TFDP2: variants seen among roughly 807,000 people sequenced by gnomAD.
The protein encoded by TFDP2 is transcription factor Dp-2, also known as transcription factor Dp-2 (E2F dimerization partner 2).
In TFDP2, 17 loss-of-function variants were observed where a neutral mutation model predicts 59.3. That is an observed-to-expected ratio of 0.29 (90% CI 0.20 to 0.43). TFDP2 has a LOEUF of 0.43. TFDP2 is among the 20% of genes least tolerant of loss of function. TFDP2 has a pLI of 1.00. For synonymous variants in TFDP2, 180 were observed against 194.7 expected (o/e 0.92, Z 0.63); for missense variants, 391 against 528.8 (o/e 0.74, Z 2.56).
chr3:142,020,984 C>CA lies in TFDP2; in HGVS notation c.83-15441dup, dbSNP rs11328099. On this transcript the variant is annotated intron_variant, in intron 3 of 12. Coordinates refer to ENST00000489671, the MANE Select transcript of TFDP2 (RefSeq NM_001178139.2). ...TGGGTGACAAAGCAACACCCTGTCTCAAAAAAAAAAAAATAGTTTTCACTT... is the reference window on the plus strand; with the variant it reads ...TGGGTGACAAAGCAACACCCTGTCTCAAAAAAAAAAAAAATAGTTTTCACTT... 4.5e-4 allele frequency among the ~76,000 whole-genome samples: 67 copies of CA among 147,392 alleles called. No individual in the cohort carries two copies. The East Asian group carries it at 9.1e-3, about 20-fold the overall frequency.
At chr3:142,056,426 G>C (rs1042111519) in intron 3 of TFDP2, among the ~76,000 whole-genome samples, 1 of 151,984 alleles carries the variant, frequency 6.6e-6, no homozygotes, top group Non-Finnish European at 1.5e-5. Flanking sequence ...AAGCGGGATA[G>C]CACAGGGTAT....
chr3:142,078,346 G>T (rs1237908979), intron 3 of TFDP2, among the ~76,000 whole-genome samples: 1 of 152,118 alleles, frequency 6.6e-6, no homozygotes, highest in Admixed American at 6.5e-5. Context: ...GTATTGTGCT[G>T]GCTTCAGGTC....
intron 2 of TFDP2, chr3:142,094,075 C>A: frequency 3.8e-6 from 1 of 265,760 alleles, no homozygotes; most frequent in South Asian, 3.9e-5. Context: ...GAGCTGAATA[C>A]AGGAATATCA....
chr3:142,070,579 C>T (rs1471983785), intron 3 of TFDP2, among the ~76,000 whole-genome samples: 2 of 152,208 alleles, frequency 1.3e-5, no homozygotes, highest in Admixed American at 1.3e-4. Flanking sequence ...TATGCCCAGC[C>T]CTCAGTGTAA....
intron 3 of TFDP2, among the ~76,000 whole-genome samples, chr3:142,033,170 G>A (rs1374460379): frequency 6.6e-6 from 1 of 152,170 alleles, no homozygotes; most frequent in Admixed American, 6.5e-5. Flanking sequence ...ACTCCAGCCT[G>A]GGCGACTGAG....
chr3:141,946,227 C>G lies in TFDP2; in HGVS notation c.*6286G>C, dbSNP rs974402247. 6.6e-6 allele frequency: 1 copy of G among 152,240 alleles called. No individual in the cohort carries two copies. The highest frequency in any genetic ancestry group is 1.5e-5 in the Non-Finnish European group (1 of 68,060). 9.4% of individuals were successfully genotyped at this position (152,240 alleles called of 1,614,324 possible). A position where few individuals can be genotyped will look rare whatever the true frequency, so the allele number is the denominator to read the frequency against. On this transcript the variant is annotated 3_prime_UTR_variant, in exon 13 of 13. Transcript: ENST00000489671. ...TGCTTGTTTCCCATCTCTAAATGAG[C>G]AGGGTGGGAGCGATGTTATCCCCGA...
At chr3:142,106,550 C>T (rs1479692337) in intron 1 of TFDP2, among the ~76,000 whole-genome samples, 1 of 152,194 alleles carries the variant, frequency 6.6e-6, no homozygotes, top group Non-Finnish European at 1.5e-5. Flanking sequence ...CAGAAAGGTT[C>T]AAGAAGTTGC....
intron 1 of TFDP2, among the ~76,000 whole-genome samples, chr3:142,122,788 G>A (rs928600444): frequency 3.9e-5 from 6 of 152,138 alleles, no homozygotes; most frequent in African/African-American, 1.4e-4. Context: ...AGCCTAAGCA[G>A]GTGGAGAATG....
intron 3 of TFDP2, among the ~76,000 whole-genome samples, chr3:142,055,567 T>C (rs901641776): frequency 3.3e-5 from 5 of 152,216 alleles, no homozygotes; most frequent in African/African-American, 1.2e-4. Context: ...AAGTCACCTT[T>C]AGTATGTGAC....
intron 3 of TFDP2, among the ~76,000 whole-genome samples, chr3:142,066,766 G>C (rs929221428): frequency 1.3e-5 from 2 of 152,006 alleles, no homozygotes; most frequent in Admixed American, 6.6e-5. Flanking sequence ...TACAAAACAG[G>C]ATCTAATCAC....
intron 3 of TFDP2, among the ~76,000 whole-genome samples, chr3:142,060,088 G>T (rs1450689517): frequency 6.6e-6 from 1 of 151,978 alleles, no homozygotes; most frequent in Non-Finnish European, 1.5e-5. Context: ...CCCAAAATAA[G>T]TACCACATAA....
intron 1 of TFDP2, among the ~76,000 whole-genome samples, chr3:142,128,885 ATAAAT>A (rs534674514): frequency 2.8e-4 from 42 of 148,306 alleles, no homozygotes; most frequent in African/African-American, 1.0e-3. Flanking sequence ...AAAAAGGGAA[ATAAAT>A]TAATTATAAA....
intron 3 of TFDP2, among the ~76,000 whole-genome samples, chr3:142,035,409 A>G (rs760735262): frequency 3.3e-5 from 5 of 152,202 alleles, no homozygotes; most frequent in Non-Finnish European, 7.3e-5. Context: ...ACACTGAGAC[A>G]ATAGTATGTC....
At chr3:141,975,495 C>T (rs1225916844) in intron 7 of TFDP2, among the ~76,000 whole-genome samples, 1 of 152,000 alleles carries the variant, frequency 6.6e-6, no homozygotes, top group Admixed American at 6.6e-5. Flanking sequence ...GAGTTCAAGA[C>T]CAGCCTGGCC....
intron 3 of TFDP2, among the ~76,000 whole-genome samples, chr3:142,042,633 T>TTTTTTTTTG (rs1947053811): frequency 1.0e-5 from 1 of 95,798 alleles, no homozygotes; most frequent in Non-Finnish European, 1.8e-5. Context: ...TTCTTTTCTT[T>TTTTTTTTTG]TTTTTTTTTT....
At chr3:142,138,947 C>T (rs2062832600) in intron 1 of TFDP2, among the ~76,000 whole-genome samples, 2 of 152,114 alleles carry the variant, frequency 1.3e-5, no homozygotes, top group African/African-American at 2.4e-5. Context: ...TCTCGTTGAT[C>T]TAATATTGAC....
chr3:142,127,186 TAA>T (rs1314223082), intron 1 of TFDP2, among the ~76,000 whole-genome samples: 1 of 148,066 alleles, frequency 6.8e-6, no homozygotes, highest in Admixed American at 6.8e-5. Flanking sequence ...AACTTATCTA[TAA>T]GATATATATT....
At chr3:142,020,483 C>T (rs1260073843) in intron 3 of TFDP2, among the ~76,000 whole-genome samples, 3 of 148,260 alleles carry the variant, frequency 2.0e-5, no homozygotes, top group African/African-American at 7.5e-5. Context: ...TGCGGTGAGC[C>T]GAGATGGTGC....
chr3:142,059,908 T>C (rs1429394206), intron 3 of TFDP2, among the ~76,000 whole-genome samples: 1 of 152,176 alleles, frequency 6.6e-6, no homozygotes, highest in African/African-American at 2.4e-5. Context: ...TCCTTCTATT[T>C]GGAACTTCTT....
Sources: allele counts gnomAD v4.1 joint callset (sites outside exome capture counted in the v4.1 genomes callset), GRCh38; gene constraint gnomAD v4.1.1; transcripts MANE v1.5; gene names NCBI Gene and HGNC (gene_info 2026-07-23, HGNC 2026-07-21).